Variants in C4orf51 observed in about 807,000 individuals in gnomAD.
C4orf51 encodes the protein chromosome 4 open reading frame 51, also known as uncharacterized protein C4orf51.
A neutral mutation model predicts 25.2 loss-of-function variants in C4orf51; 25 were observed. That is an observed-to-expected ratio of 0.99 (90% CI 0.72 to 1.39). The LOEUF is 1.39. C4orf51 is among the 40% of genes most tolerant of loss of function. C4orf51 has a pLI of 0.00. For missense variants in C4orf51, 252 were observed against 239.6 expected (o/e 1.05, Z -0.34); for synonymous variants, 100 against 84.5 (o/e 1.18, Z -1.01).
intron 1 of C4orf51, among the ~76,000 whole-genome samples, chr4:145,768,730 T>TGGGC (rs1735707879): frequency 6.7e-6 from 1 of 149,232 alleles, no homozygotes; most frequent in Non-Finnish European, 1.5e-5. Flanking sequence ...TGGTGGCATA[T>TGGGC]GCCTGTAATC....
chr4:145,774,381 C>T (rs548086346), downstream of C4orf51: 20 of 1,072,738 alleles, frequency 1.9e-5, no homozygotes, highest in African/African-American at 3.1e-4. Flanking sequence ...TTGGGAAAGT[C>T]CTTCCTTCCA....
chr4:145,789,897 A>G, the C4orf51 span, among the ~76,000 whole-genome samples: 2 of 152,182 alleles, frequency 1.3e-5, no homozygotes, highest in Non-Finnish European at 2.9e-5. Context: ...AGAATGGTGG[A>G]ATTTGGAGGC....
chr4:145,686,331 T>A (rs1256209504), intron 1 of C4orf51, among the ~76,000 whole-genome samples: 1 of 152,222 alleles, frequency 6.6e-6, no homozygotes, highest in African/African-American at 2.4e-5. Context: ...TGGATAGTAG[T>A]AATCATTGCA....
chr4:145,684,438 T>C (rs929954659), intron 1 of C4orf51, among the ~76,000 whole-genome samples: 10 of 152,052 alleles, frequency 6.6e-5, no homozygotes, highest in Non-Finnish European at 2.9e-5. Flanking sequence ...GCCAAGATCA[T>C]GCCACTGCAC....
At chr4:145,760,720 GT>G (rs10715391) in intron 1 of C4orf51, 390,812 of 705,596 alleles carry the variant, frequency 0.55, 55,260 homozygotes, top group African/African-American at 0.8. Context: ...AAGTTTTGTG[GT>G]TTTTTTTTTT....
intron 2 of C4orf51, among the ~76,000 whole-genome samples, chr4:145,705,251 G>A (rs1028284023): frequency 2.0e-5 from 3 of 152,194 alleles, no homozygotes; most frequent in Admixed American, 6.5e-5. Context: ...TTATCAGGAC[G>A]CTGCTGATCA....
intron 1 of C4orf51, among the ~76,000 whole-genome samples, chr4:145,741,842 G>A (rs1040895046): frequency 6.6e-6 from 1 of 151,932 alleles, no homozygotes; most frequent in Non-Finnish European, 1.5e-5. Context: ...GATTACAGGC[G>A]CCTGCCACCA....
At chr4:145,735,638 C>G (rs1455044947), downstream of C4orf51, among the ~76,000 whole-genome samples, 1 of 152,194 alleles carries the variant, frequency 6.6e-6, no homozygotes, top group Non-Finnish European at 1.5e-5. Context: ...TGAGAATGAA[C>G]TTTGGCTGGC....
At chr4:145,776,971 C>T in the C4orf51 span, among the ~76,000 whole-genome samples, 1 of 152,154 alleles carries the variant, frequency 6.6e-6, no homozygotes, top group Non-Finnish European at 1.5e-5. Flanking sequence ...GCTTTCATCA[C>T]ACAGATAAAG....
chr4:145,680,436 A>G lies in C4orf51; in HGVS notation c.233A>G (p.Gln78Arg), dbSNP rs17020530. The G allele has an allele frequency of 4.0e-4, 647 of 1,611,250 alleles. 3 individuals are homozygous for G. In the African/African-American group the frequency reaches 7.5e-3, roughly 19 times the overall value. The change falls in exon 1 of 6, where the codon CAG becomes CGG. Residue 78 changes from glutamine to arginine, a missense_variant and splice_region_variant. Gln to Arg is a conservative substitution (Grantham distance 43). Coordinates refer to ENST00000438731, the MANE Select transcript of C4orf51 (RefSeq NM_001080531.3). Reference sequence around the variant, plus strand: ...GGACAGCATGAGCCTGAGTGTAAACAGTAAGATTTCTTTGTAATTTGCACC... The same window carrying G: ...GGACAGCATGAGCCTGAGTGTAAACGGTAAGATTTCTTTGTAATTTGCACC... ...RAGQHEPECK[Q>R]MSLTNSSACH...
At chr4:145,750,413 T>A (rs1050453434) in intron 1 of C4orf51, among the ~76,000 whole-genome samples, 1 of 2,342 alleles carries the variant, frequency 4.3e-4, no homozygotes, top group Non-Finnish European at 1.2e-3. Flanking sequence ...AGGGTAAAAG[T>A]TTTTTTTTTT....
At chr4:145,749,063 G>GTATA (rs142948635) in intron 1 of C4orf51, among the ~76,000 whole-genome samples, 12,932 of 139,550 alleles carry the variant, frequency 0.093, 643 homozygotes, top group Non-Finnish European at 0.12. Flanking sequence ...GTGTGTGTGT[G>GTATA]TGTATATATA....
At chr4:145,703,480 G>A (rs1288196705) in intron 2 of C4orf51, among the ~76,000 whole-genome samples, 3 of 152,172 alleles carry the variant, frequency 2.0e-5, no homozygotes, top group Non-Finnish European at 1.5e-5. Context: ...CTGTTTGGTG[G>A]TCTCTTCACA....
At chr4:145,750,250 T>C (rs189066724) in intron 1 of C4orf51, among the ~76,000 whole-genome samples, 5 of 152,254 alleles carry the variant, frequency 3.3e-5, no homozygotes, top group African/African-American at 1.2e-4. Flanking sequence ...TTTTTATTGC[T>C]CATTAACATC....
rs879785477 is a variant in C4orf51 at position 145,763,880 on chromosome 4, C to G, written n.167-7108C>G. On this transcript the variant is annotated intron_variant and non_coding_transcript_variant, in intron 1 of 1. Transcript: ENST00000510096. The surrounding 1 kb of genome is among the most constrained non-coding windows in gnomAD (Gnocchi z 4.6). ...CCCTCCCCCTCCCCCAAGAGTGAAA[C>G]GAAATGGAGTTCAACGGAGGTCCTG... 6.6e-6 allele frequency among the ~76,000 whole-genome samples: 1 copy of G among 151,230 alleles called. No homozygotes were observed. The highest frequency in any genetic ancestry group is 1.5e-5 in the Non-Finnish European group (1 of 67,826).
At chr4:145,697,325 C>T (rs1276377969) in intron 2 of C4orf51, among the ~76,000 whole-genome samples, 1 of 152,026 alleles carries the variant, frequency 6.6e-6, no homozygotes, top group Non-Finnish European at 1.5e-5. Context: ...GTCTCAAACT[C>T]CTGACCTTGT....
At chr4:145,757,344 T>G (rs1446566221), downstream of C4orf51, among the ~76,000 whole-genome samples, 1 of 152,224 alleles carries the variant, frequency 6.6e-6, no homozygotes, top group African/African-American at 2.4e-5. Context: ...CAAACACTTT[T>G]AAATGTCACT....
downstream of C4orf51, chr4:145,732,916 G>A (rs1303606776): frequency 6.0e-6 from 1 of 166,788 alleles, no homozygotes; most frequent in Non-Finnish European, 1.3e-5. Context: ...GAAGGCGCAG[G>A]GGCGTGAGAA....
chr4:145,779,491 C>T, the C4orf51 span: 1 of 1,613,912 alleles, frequency 6.2e-7, no homozygotes, highest in Admixed American at 1.7e-5. Context: ...TTTCCTGCCT[C>T]TAGGACTATC....
Sources: gnomAD v4.1 joint callset for allele counts (sites outside exome capture counted in the v4.1 genomes callset) on GRCh38, gnomAD v4.1.1 for gene constraint, Gnocchi (gnomAD v3.1) non-coding constraint, MANE v1.5 for transcripts, NCBI Gene and HGNC (gene_info 2026-07-23, HGNC 2026-07-21) for gene names.